The following PLEKHG4B variants were observed in gnomAD, a reference collection of about 807,000 sequenced individuals.
The protein encoded by PLEKHG4B is pleckstrin homology and RhoGEF domain containing G4B, also known as pleckstrin homology domain-containing family G member 4B.
PLEKHG4B carries 111 observed loss-of-function variants against 121.3 expected under a neutral mutation model. The observed-to-expected ratio is 0.92, with a 90% CI of 0.78 to 1.07. The LOEUF (loss-of-function observed/expected upper bound fraction) is 1.07, where lower values mean the gene tolerates loss of function less well. Ranked by LOEUF, PLEKHG4B falls within the 50% of genes least tolerant of loss-of-function variation. The pLI, the probability that PLEKHG4B is intolerant of heterozygous loss-of-function variation, is 0.00. For missense variants in PLEKHG4B, 1,831 were observed against 1,757.8 expected (o/e 1.04, Z -0.74); for synonymous variants, 738 against 725.0 (o/e 1.02, Z -0.29).
At chr5:143,801 T>C (rs1215885188) in intron 5 of PLEKHG4B, among the ~76,000 whole-genome samples, 3 of 152,246 alleles carry the variant, frequency 2.0e-5, no homozygotes, top group East Asian at 3.8e-4. Flanking sequence ...GATGTGCAGC[T>C]TCTGCCGGCT....
intron 6 of PLEKHG4B, among the ~76,000 whole-genome samples, chr5:149,246 C>T (rs1278603365): frequency 6.6e-6 from 1 of 152,016 alleles, no homozygotes; most frequent in Admixed American, 6.6e-5. Flanking sequence ...AAAAAATGTG[C>T]ATCAAAAGAC....
intron 3 of PLEKHG4B, among the ~76,000 whole-genome samples, chr5:142,648 A>G (rs532698311): frequency 6.6e-6 from 1 of 151,380 alleles, no homozygotes; most frequent in Admixed American, 6.6e-5. Flanking sequence ...AAACACAGTA[A>G]CACACCAGTC....
At chr5:127,338 T>G (rs1734647746) in intron 2 of PLEKHG4B, among the ~76,000 whole-genome samples, 1 of 126,678 alleles carries the variant, frequency 7.9e-6, no homozygotes, top group Non-Finnish European at 1.6e-5. Context: ...TTATTGTTGG[T>G]TTTTATTATT....
intron 2 of PLEKHG4B, among the ~76,000 whole-genome samples, chr5:122,393 C>T (rs1473484743): frequency 6.7e-6 from 1 of 149,196 alleles, no homozygotes; most frequent in Non-Finnish European, 1.5e-5. Context: ...GTATAAAATG[C>T]CCTTTATTTT....
At chr5:120,416 C>G (rs138951939) in intron 2 of PLEKHG4B, among the ~76,000 whole-genome samples, 305 of 152,294 alleles carry the variant, frequency 2.0e-3, no homozygotes, top group African/African-American at 7.0e-3. Flanking sequence ...GAGAGATGGA[C>G]TCACCATCAA....
In PLEKHG4B at chr5:140,667, G is replaced by T; in HGVS notation, c.1428G>T (p.Gly476=). 2 of 1,604,992 alleles carry T rather than the reference G, an allele frequency of 1.2e-6. No individual in the cohort carries two copies. Among genetic ancestry groups the T allele is most frequent in the South Asian group, 2.2e-5 (2 of 90,434 alleles). Residue 476 remains glycine (G), a synonymous_variant, in exon 3 of 20, where the codon GGG becomes GGT. Transcript: ENST00000637938. ...GCCACCTAGGAGGACAAGCTGTGGG[G>T]ACCCCAAACTGTGTCCCAGTAGAGG... ...PGGHLGGQAV[G]TPNCVPVEGP... is the part of the protein sequence containing the mutation.
Position 140,015 on chromosome 5 carries a change from G to A in PLEKHG4B, c.776G>A (p.Gly259Asp), listed in dbSNP as rs1415879617. ...LTSPCRRGHT[G>D]SDQLRHLPYP... Reference sequence around the variant, plus strand: ...TCACCCTGCCGCCGAGGGCATACGGGCAGCGACCAGCTCAGGCACCTTCCT... The same window carrying A: ...TCACCCTGCCGCCGAGGGCATACGGACAGCGACCAGCTCAGGCACCTTCCT... The change falls in exon 3 of 20, where the codon GGC becomes GAC. Residue 259 changes from glycine (G) to aspartate (D), a missense_variant. Coordinates refer to ENST00000637938, the MANE Select transcript of PLEKHG4B (RefSeq NM_052909.5). 4 of 411,536 alleles carry A rather than the reference G, an allele frequency of 9.7e-6. No individual in the cohort carries two copies. The highest frequency in any genetic ancestry group is 8.2e-5 in the African/African-American group (4 of 48,770). The allele number at this position is 411,536 out of a possible 1,614,324, so 25.5% of individuals were successfully genotyped here.
At chr5:115,473 A>C (rs539320240) in intron 2 of PLEKHG4B, among the ~76,000 whole-genome samples, 49 of 152,318 alleles carry the variant, frequency 3.2e-4, no homozygotes, top group Non-Finnish European at 7.4e-5. Flanking sequence ...TCCTAACAAG[A>C]GAGTCAGCTT....
rs1047102937 is a variant in PLEKHG4B, at chr5:137,637, C to T, written c.244-1846C>T. Among the ~76,000 whole-genome samples the T allele has an allele frequency of 7.2e-5, 11 of 152,228 alleles. No individual in the cohort carries two copies. The highest frequency in any genetic ancestry group is 2.7e-4 in the African/African-American group (11 of 41,460). On this transcript the variant is annotated intron_variant, in intron 2 of 19. Transcript: ENST00000637938. The surrounding 1 kb of genome is among the most constrained non-coding windows in gnomAD (Gnocchi z 4.2). ...GGGCAAAAGGCATGAAAGGCTCCAA[C>T]ACCCTCCCATTTCTGTTTTCTGGAA... is the stretch of plus-strand genomic sequence containing the variant.
At chr5:98,268 A>G (rs188109954) in intron 1 of PLEKHG4B, among the ~76,000 whole-genome samples, 171 of 151,808 alleles carry the variant, frequency 1.1e-3, no homozygotes, top group Non-Finnish European at 1.8e-3. Context: ...ATTCTTCTGT[A>G]TGTGGTTATT....
chr5:127,011 G>C (rs73022518), intron 2 of PLEKHG4B, among the ~76,000 whole-genome samples: 4,035 of 152,224 alleles, frequency 0.027, 182 homozygotes, highest in African/African-American at 0.091. Context: ...TTATGCAAAT[G>C]TTCTTTCCAC....
chr5:122,996 A>T (rs1734513697), intron 2 of PLEKHG4B, among the ~76,000 whole-genome samples: 2 of 152,218 alleles, frequency 1.3e-5, no homozygotes, highest in Non-Finnish European at 2.9e-5. Context: ...TTCATAGAAC[A>T]ATTGGAAAAA....
chr5:141,873 T>TC (rs952011449), intron 3 of PLEKHG4B, among the ~76,000 whole-genome samples: 1 of 149,638 alleles, frequency 6.7e-6, no homozygotes, highest in Non-Finnish European at 1.5e-5. Flanking sequence ...TTCCGTGGGC[T>TC]CCCCCCGCGG....
chr5:150,417 T>C (rs1166451400), intron 6 of PLEKHG4B, among the ~76,000 whole-genome samples: 3 of 152,166 alleles, frequency 2.0e-5, no homozygotes, highest in South Asian at 2.1e-4. Context: ...AAAAGAGTTA[T>C]GGAGACGAAT....
At chr5:116,942 G>A (rs753635620) in intron 2 of PLEKHG4B, among the ~76,000 whole-genome samples, 1 of 152,170 alleles carries the variant, frequency 6.6e-6, no homozygotes, top group Non-Finnish European at 1.5e-5. Flanking sequence ...AAACAGAGAG[G>A]TGCCTGCTGG....
At position 144,888 on chromosome 5, in the gene PLEKHG4B, C is replaced by G. The variant is rs750971693; in HGVS notation, c.1873C>G (p.Pro625Ala). Residue 625 changes from proline to alanine, a missense_variant, in exon 6 of 20, where the codon CCT becomes GCT. Coordinates refer to ENST00000637938, the MANE Select transcript of PLEKHG4B (RefSeq NM_052909.5). ...GGATGCACGCAGGAGTCCAGCTGCC[C>G]CTGCCGTCTCCCAGGCCCTCTCAGG... ...LVDARRSPAA[P>A]AVSQALSGLQ... The G allele has an allele frequency of 4.3e-6, 7 of 1,613,378 alleles. No individual in the cohort carries two copies. The highest frequency in any genetic ancestry group is 8.5e-7 in the Non-Finnish European group (1 of 1,179,970).
intron 13 of PLEKHG4B, among the ~76,000 whole-genome samples, chr5:164,405 T>C (rs923536359): frequency 6.6e-6 from 1 of 152,070 alleles, no homozygotes; most frequent in African/African-American, 2.4e-5. Flanking sequence ...ACAGTAATGA[T>C]GTGACTGGGG....
chr5:165,113 G>T lies in PLEKHG4B; in HGVS notation c.3476+1565G>T, dbSNP rs111939411. Among the ~76,000 whole-genome samples the T allele has an allele frequency of 1.1e-3, 38 of 34,258 alleles. 7 individuals are homozygous for T. Among genetic ancestry groups the T allele is most frequent in the African/African-American group, 2.2e-3 (22 of 10,016 alleles). The allele number at this position is 34,258 out of a possible 152,430, so 22.5% of individuals were successfully genotyped here. A position where few individuals can be genotyped will look rare whatever the true frequency, so the allele number is the denominator to read the frequency against. ...GGGCTCACACTAATGCTGTGACGGGGCGGAGCTCACACAGTAATGCTGTGA... is the reference window on the plus strand; with the variant it reads ...GGGCTCACACTAATGCTGTGACGGGTCGGAGCTCACACAGTAATGCTGTGA... On this transcript the variant is annotated intron_variant, in intron 13 of 19. Coordinates refer to ENST00000637938, the MANE Select transcript of PLEKHG4B (RefSeq NM_052909.5).
intron 11 of PLEKHG4B, 59 bp from the exon 12 acceptor site, chr5:161,724 C>G: frequency 1.2e-6 from 2 of 1,611,340 alleles, no homozygotes; most frequent in African/African-American, 1.3e-5. Context: ...CAGCCCACAC[C>G]TGGAGACATG....
Sources: gnomAD v4.1 joint callset for allele counts (sites outside exome capture counted in the v4.1 genomes callset) on GRCh38, gnomAD v4.1.1 for gene constraint, Gnocchi (gnomAD v3.1) non-coding constraint, MANE v1.5 for transcripts, NCBI Gene and HGNC (gene_info 2026-07-23, HGNC 2026-07-21) for gene names.